The following SLC9A9 variants were observed in gnomAD, a reference collection of about 807,000 sequenced individuals.
SLC9A9 encodes the protein sodium/hydrogen exchanger 9.
SLC9A9 carries 62 observed loss-of-function variants against 77.8 expected under a neutral mutation model. The observed-to-expected ratio is 0.80, with a 90% confidence interval of 0.65 to 0.98. SLC9A9 has a LOEUF of 0.98. Among genes scored for constraint, SLC9A9 ranks in the 50% least tolerant of loss-of-function variants. SLC9A9 has a pLI of 0.00. For synonymous variants in SLC9A9, 320 were observed against 283.5 expected (o/e 1.13, Z -1.29); for missense variants, 775 against 774.9 (o/e 1.00, Z 0.00).
chr3:143,541,525 C>T (rs1048165281), intron 9 of SLC9A9, among the ~76,000 whole-genome samples: 3 of 152,166 alleles, frequency 2.0e-5, no homozygotes, highest in African/African-American at 4.8e-5. Context: ...TTGTTTAAAG[C>T]TGCTAAATTT....
At chr3:143,722,161 G>GT (rs1272288543) in intron 4 of SLC9A9, among the ~76,000 whole-genome samples, 6 of 152,094 alleles carry the variant, frequency 3.9e-5, no homozygotes, top group Non-Finnish European at 7.4e-5. Flanking sequence ...TAATCCAGTA[G>GT]TTTTTTTGCA....
At chr3:143,601,154 T>G (rs139386247) in intron 6 of SLC9A9, among the ~76,000 whole-genome samples, 1 of 152,230 alleles carries the variant, frequency 6.6e-6, no homozygotes. Flanking sequence ...GAGATTCATG[T>G]TTATTCATTC....
chr3:143,280,012 G>A (rs1938169288), intron 14 of SLC9A9, among the ~76,000 whole-genome samples: 1 of 152,096 alleles, frequency 6.6e-6, no homozygotes, highest in African/African-American at 2.4e-5. Flanking sequence ...GTAGGGACAG[G>A]GTTTTGTCAT....
intron 6 of SLC9A9, among the ~76,000 whole-genome samples, chr3:143,587,593 G>GGGCCAGGGCCAGGGCCAT (rs2037565344): frequency 6.6e-6 from 1 of 152,242 alleles, no homozygotes; most frequent in African/African-American, 2.4e-5. Flanking sequence ...AGCCGGGCCA[G>GGGCCAGGGCCAGGGCCAT]GGCCATGTCT....
chr3:143,707,369 T>TAC (rs67386185), intron 4 of SLC9A9, among the ~76,000 whole-genome samples: 31,659 of 148,976 alleles, frequency 0.21, 3,510 homozygotes, highest in Middle Eastern at 0.28. Context: ...TTTTAAAATC[T>TAC]ACACACACAC....
At chr3:143,658,101 A>G (rs2038922667) in intron 5 of SLC9A9, among the ~76,000 whole-genome samples, 4 of 152,166 alleles carry the variant, frequency 2.6e-5, no homozygotes. Flanking sequence ...TCCTGACCTC[A>G]AGGGATCTGC....
chr3:143,812,533 C>G (rs1006622191), intron 2 of SLC9A9, among the ~76,000 whole-genome samples: 23 of 152,206 alleles, frequency 1.5e-4, no homozygotes, highest in African/African-American at 5.5e-4. Flanking sequence ...TCTATGGCCT[C>G]ACAACACCCA....
chr3:143,428,655 C>T (rs573518798), intron 12 of SLC9A9, among the ~76,000 whole-genome samples: 1 of 152,186 alleles, frequency 6.6e-6, no homozygotes, highest in African/African-American at 2.4e-5. Context: ...GTGTACTTCA[C>T]AATAGTCAAG....
intron 1 of SLC9A9, among the ~76,000 whole-genome samples, chr3:143,838,860 G>A (rs534643626): frequency 2.3e-4 from 35 of 152,288 alleles, no homozygotes; most frequent in Non-Finnish European, 3.2e-4. Flanking sequence ...ACATTTAACT[G>A]TAAGATAGTA....
chr3:143,722,902 T>C (rs1934540700), intron 4 of SLC9A9, among the ~76,000 whole-genome samples: 1 of 152,228 alleles, frequency 6.6e-6, no homozygotes, highest in African/African-American at 2.4e-5. Flanking sequence ...GGCTGTCTCC[T>C]AAGTCTCCAT....
chr3:143,728,826 A>G (rs867731380), intron 4 of SLC9A9, among the ~76,000 whole-genome samples: 3 of 152,010 alleles, frequency 2.0e-5, no homozygotes, highest in African/African-American at 7.3e-5. Context: ...AACAACAAGT[A>G]TGACCCTCAA....
intron 4 of SLC9A9, among the ~76,000 whole-genome samples, chr3:143,739,641 T>C (rs951188247): frequency 6.6e-6 from 1 of 152,158 alleles, no homozygotes; most frequent in African/African-American, 2.4e-5. Context: ...TTTCATTTCA[T>C]TTCTCCAAAA....
chr3:143,572,167 T>A (rs1037248704), intron 8 of SLC9A9, among the ~76,000 whole-genome samples: 1 of 152,124 alleles, frequency 6.6e-6, no homozygotes. Context: ...AGAGCAAGGA[T>A]CAAGCAAACT....
At chr3:143,509,042 G>T (rs1164426470) in intron 9 of SLC9A9, among the ~76,000 whole-genome samples, 2 of 152,156 alleles carry the variant, frequency 1.3e-5, no homozygotes, top group Non-Finnish European at 2.9e-5. Flanking sequence ...ATTGTCATTA[G>T]GCAGATGTCT....
intron 4 of SLC9A9, among the ~76,000 whole-genome samples, chr3:143,732,451 C>G (rs755512896): frequency 1.3e-5 from 2 of 152,178 alleles, no homozygotes; most frequent in Admixed American, 6.5e-5. Flanking sequence ...CCATTAGCAA[C>G]CTGTTTCTCA....
chr3:143,776,999 G>A (rs1251502319), intron 4 of SLC9A9, among the ~76,000 whole-genome samples: 1 of 152,052 alleles, frequency 6.6e-6, no homozygotes, highest in African/African-American at 2.4e-5. Context: ...CTTACATTTG[G>A]GAGCTGAGTA....
chr3:143,453,787 AG>A (rs2035046351), intron 12 of SLC9A9, among the ~76,000 whole-genome samples: 1 of 79,300 alleles, frequency 1.3e-5, no homozygotes, highest in African/African-American at 5.0e-5. Context: ...AATGCCTAGG[AG>A]AGAGAATGCT....
chr3:143,268,272 TTCAAAACC>T (rs1309809646), intron 15 of SLC9A9, among the ~76,000 whole-genome samples: 20 of 152,320 alleles, frequency 1.3e-4, no homozygotes, highest in African/African-American at 3.8e-4. Flanking sequence ...AGGCCTAGTA[TTCAAAACC>T]TCAAAACCTC....
intron 14 of SLC9A9, among the ~76,000 whole-genome samples, chr3:143,321,473 C>T (rs1439961232): frequency 6.6e-6 from 1 of 152,144 alleles, no homozygotes; most frequent in African/African-American, 2.4e-5. Context: ...ACATTTCTCC[C>T]AGGGTTAGCT....
Sources: allele counts gnomAD v4.1 joint callset (sites outside exome capture counted in the v4.1 genomes callset), GRCh38; gene constraint gnomAD v4.1.1; transcripts MANE v1.5; gene names NCBI Gene and HGNC (gene_info 2026-07-23, HGNC 2026-07-21).